Variants in NKAIN3 observed in about 807,000 individuals in gnomAD.
NKAIN3 encodes the protein sodium/potassium-transporting ATPase subunit beta-1-interacting protein 3.
In NKAIN3, 25 loss-of-function variants were observed where a neutral mutation model predicts 30.2. The ratio of observed to expected loss-of-function variants is 0.83; its 90% CI spans 0.60 to 1.16. NKAIN3 has a LOEUF of 1.16. Ranked by LOEUF, NKAIN3 falls within the 50% of genes most tolerant of loss-of-function variation. NKAIN3 has a pLI of 0.00. For missense variants in NKAIN3, 225 were observed against 254.1 expected (o/e 0.89, Z 0.78); for synonymous variants, 91 against 89.6 (o/e 1.02, Z -0.09).
intron 4 of NKAIN3, among the ~76,000 whole-genome samples, chr8:62,871,597 A>G (rs1198300438): frequency 6.6e-6 from 1 of 152,220 alleles, no homozygotes; most frequent in Non-Finnish European, 1.5e-5. Flanking sequence ...ATAACTGCAG[A>G]GGGGCTGCAA....
At chr8:62,893,676 G>GCA (rs1186322491) in intron 4 of NKAIN3, among the ~76,000 whole-genome samples, 6 of 145,460 alleles carry the variant, frequency 4.1e-5, no homozygotes, top group Middle Eastern at 3.6e-3. Context: ...GCACACATAT[G>GCA]CACATATGCA....
At chr8:62,601,160 T>C (rs1049196353) in intron 3 of NKAIN3, among the ~76,000 whole-genome samples, 1 of 152,110 alleles carries the variant, frequency 6.6e-6, no homozygotes, top group African/African-American at 2.4e-5. Flanking sequence ...TTTCTGATGG[T>C]AGTTTGAAAT....
intron 1 of NKAIN3, among the ~76,000 whole-genome samples, chr8:62,543,138 A>T (rs1210711474): frequency 1.3e-5 from 2 of 152,174 alleles, no homozygotes; most frequent in African/African-American, 4.8e-5. Context: ...TGAAGGGGTG[A>T]TCTCTTCAAC....
intron 1 of NKAIN3, among the ~76,000 whole-genome samples, chr8:62,404,823 A>G (rs1181849384): frequency 6.6e-6 from 1 of 152,050 alleles, no homozygotes; most frequent in African/African-American, 2.4e-5. Flanking sequence ...CTCAATCAGT[A>G]GTTTCTTCCC....
At chr8:62,894,099 T>C (rs138576010) in intron 4 of NKAIN3, among the ~76,000 whole-genome samples, 1 of 152,320 alleles carries the variant, frequency 6.6e-6, no homozygotes, top group African/African-American at 2.4e-5. Context: ...TCACTTATTA[T>C]CAATCATAAA....
chr8:62,706,024 A>G (rs918584806), intron 3 of NKAIN3, among the ~76,000 whole-genome samples: 19 of 152,120 alleles, frequency 1.2e-4, no homozygotes, highest in Non-Finnish European at 7.4e-5. Flanking sequence ...TCTGAGCTAC[A>G]TTGTAAGTTG....
chr8:62,391,627 A>G (rs540526778), intron 1 of NKAIN3, among the ~76,000 whole-genome samples: 15 of 152,242 alleles, frequency 9.9e-5, no homozygotes, highest in Middle Eastern at 3.4e-3. Context: ...AATGAAAAGC[A>G]TATGTAATAT....
intron 4 of NKAIN3, among the ~76,000 whole-genome samples, chr8:62,852,339 CTCTCTTT>C (rs1819934707): frequency 6.6e-6 from 1 of 151,966 alleles, no homozygotes. Context: ...TTTGATTCTT[CTCTCTTT>C]TCTTCTTTAT....
chr8:62,344,440 A>T (rs1815860621), intron 1 of NKAIN3, among the ~76,000 whole-genome samples: 1 of 152,152 alleles, frequency 6.6e-6, no homozygotes, highest in Admixed American at 6.6e-5. Context: ...CAGGGAGGAG[A>T]GTGATTAAAA....
Position 62,972,335 on chromosome 8 carries a change from A to G in NKAIN3, c.*6928A>G, listed in dbSNP as rs1267038987. On this transcript the variant is annotated 3_prime_UTR_variant, in exon 7 of 7. Transcript: ENST00000623646. The stretch of plus-strand genomic sequence containing the variant: ...GTCCAAAAAAATATACAAGTGAGGG[A>G]ATTAATAAAATTTTTTGTAATTATA... Among the ~76,000 whole-genome samples the G allele has an allele frequency of 1.3e-5, 2 of 152,134 alleles. No homozygotes were observed. The highest frequency in any genetic ancestry group is 3.9e-4 in the East Asian group (2 of 5,188).
chr8:62,318,129 G>C lies in NKAIN3; in HGVS notation c.54+69002G>C, dbSNP rs142394066. On this transcript the variant is annotated intron_variant, in intron 1 of 6. Transcript: ENST00000623646. Reference sequence around the variant, plus strand: ...TTGTGATTTTTTGCACATTGATTTTGTATCCTGTGACTTTGCTGAAGTTGC... The same window carrying C: ...TTGTGATTTTTTGCACATTGATTTTCTATCCTGTGACTTTGCTGAAGTTGC... 3.3e-4 allele frequency among the ~76,000 whole-genome samples: 51 copies of C among 152,280 alleles called. No individual in the cohort carries two copies. In the Middle Eastern group the frequency reaches 0.01, roughly 30 times the overall value.
In NKAIN3 at chr8:62,984,041, T is replaced by A. The variant is rs1585644690; in HGVS notation, c.*18634T>A. 6.6e-6 allele frequency: 1 copy of A among 152,212 alleles called. No individual in the cohort carries two copies. Among genetic ancestry groups the A allele is most frequent in the East Asian group, 1.9e-4 (1 of 5,188 alleles). The allele number at this position is 152,212 out of a possible 1,614,324, so 9.4% of individuals were successfully genotyped here. On this transcript the variant is annotated 3_prime_UTR_variant, in exon 7 of 7. Transcript: ENST00000623646. The stretch of plus-strand genomic sequence containing the variant: ...AGTGCCTGGGTAACCATGATGTAAT[T>A]GCAGATTGACACATCTTTGGGTTTT...
At chr8:62,897,265 A>G (rs1821456506) in intron 4 of NKAIN3, among the ~76,000 whole-genome samples, 1 of 152,200 alleles carries the variant, frequency 6.6e-6, no homozygotes, top group Admixed American at 6.6e-5. Context: ...TCTTACACTC[A>G]ACAAAGTAAT....
At chr8:62,525,123 T>C (rs1808263268) in intron 1 of NKAIN3, among the ~76,000 whole-genome samples, 1 of 151,846 alleles carries the variant, frequency 6.6e-6, no homozygotes, top group Non-Finnish European at 1.5e-5. Flanking sequence ...AGCCATCAAC[T>C]ACACTCAGAT....
rs2130915151 is a variant in NKAIN3 at position 62,972,454 on chromosome 8, T to C, written c.*7047T>C. Among the ~76,000 whole-genome samples, 1 of 152,268 alleles carries C rather than the reference T, an allele frequency of 6.6e-6. No homozygotes were observed. The highest frequency in any genetic ancestry group is 6.5e-5 in the Admixed American group (1 of 15,280). ...TGATACATCAAATGCCAGTCTTTTA[T>C]CTTCCTAGTTTTTCAAATAGAAAAG... On this transcript the variant is annotated 3_prime_UTR_variant, in exon 7 of 7. Transcript: ENST00000623646.
At chr8:62,454,090 A>T (rs1805734409) in intron 1 of NKAIN3, among the ~76,000 whole-genome samples, 1 of 152,036 alleles carries the variant, frequency 6.6e-6, no homozygotes, top group East Asian at 1.9e-4. Flanking sequence ...TGAGGTTCAG[A>T]TATGGCATGA....
intron 4 of NKAIN3, among the ~76,000 whole-genome samples, chr8:62,832,288 C>A (rs1186629428): frequency 6.6e-6 from 1 of 150,862 alleles, no homozygotes; most frequent in East Asian, 1.9e-4. Context: ...CACACACACA[C>A]ACACACACAC....
intron 4 of NKAIN3, among the ~76,000 whole-genome samples, chr8:62,782,772 C>A (rs560948489): frequency 2.0e-5 from 3 of 147,174 alleles, no homozygotes; most frequent in Admixed American, 6.9e-5. Flanking sequence ...ATGATACATA[C>A]GAGATAATGG....
intron 4 of NKAIN3, among the ~76,000 whole-genome samples, chr8:62,897,578 A>G (rs887761491): frequency 1.3e-5 from 2 of 152,172 alleles, no homozygotes; most frequent in African/African-American, 4.8e-5. Flanking sequence ...CTGGGATTCA[A>G]GTGTGCTATG....
Sources: allele counts gnomAD v4.1 joint callset (sites outside exome capture counted in the v4.1 genomes callset), GRCh38; gene constraint gnomAD v4.1.1; transcripts MANE v1.5; gene names NCBI Gene and HGNC (gene_info 2026-07-23, HGNC 2026-07-21).